FAM3B: variants seen among roughly 807,000 people sequenced by gnomAD.
FAM3B encodes FAM3 metabolism regulating signaling molecule B.
A neutral mutation model predicts 28.4 loss-of-function variants in FAM3B; 29 were observed. The observed-to-expected ratio is 1.02, with a 90% CI of 0.76 to 1.39. FAM3B has a LOEUF of 1.39. Among genes scored for constraint, FAM3B ranks in the 40% most tolerant of loss-of-function variants. The pLI is 0.00. For synonymous variants in FAM3B, 91 were observed against 103.0 expected (o/e 0.88, Z 0.71); for missense variants, 266 against 293.9 (o/e 0.91, Z 0.69).
At chr21:41,333,543 C>T (rs1485628180) in intron 2 of FAM3B, among the ~76,000 whole-genome samples, 1 of 152,220 alleles carries the variant, frequency 6.6e-6, no homozygotes, top group East Asian at 1.9e-4. Flanking sequence ...TTTCCTGGGG[C>T]CTCCCCAGAA....
At chr21:41,319,845 G>A (rs2123692902) in intron 1 of FAM3B, 1 of 152,298 alleles carries the variant, frequency 6.6e-6, no homozygotes, top group East Asian at 1.9e-4. Context: ...TTTACATGTT[G>A]TAGTCCTAAC....
intron 7 of FAM3B, among the ~76,000 whole-genome samples, chr21:41,350,683 T>C (rs1232522725): frequency 2.0e-5 from 3 of 152,236 alleles, no homozygotes; most frequent in African/African-American, 7.2e-5. Context: ...GGGCCTGGCC[T>C]GGAGATTCTG....
chr21:41,338,080 C>G (rs1035373624), intron 2 of FAM3B, among the ~76,000 whole-genome samples: 1 of 152,046 alleles, frequency 6.6e-6, no homozygotes, highest in Non-Finnish European at 1.5e-5. Flanking sequence ...CATTGCCCAC[C>G]AAGAATGTCA....
intron 2 of FAM3B, among the ~76,000 whole-genome samples, chr21:41,329,308 T>C (rs2088883695): frequency 1.3e-5 from 2 of 152,210 alleles, no homozygotes; most frequent in Non-Finnish European, 2.9e-5. Context: ...TTTTGATTAG[T>C]GTGATGTAAT....
chr21:41,353,415 C>T (rs1046421089), intron 7 of FAM3B, among the ~76,000 whole-genome samples: 2 of 152,172 alleles, frequency 1.3e-5, no homozygotes, highest in African/African-American at 4.8e-5. Flanking sequence ...TAACACAAAG[C>T]TGCTGTGATT....
In FAM3B at chr21:41,344,481, T is replaced by A. The variant is rs369029304; in HGVS notation, c.293T>A (p.Met98Lys). The A allele has an allele frequency of 1.2e-6, 2 of 1,614,046 alleles. No individual in the cohort carries two copies. Residue 98 changes from methionine (M) to lysine (K), a missense_variant, in exon 4 of 8, where the codon ATG becomes AAG. Transcript: ENST00000357985. ...AKICFEDNLL[M>K]GEQLGNVARG... ...AATGCTTAGCTCCATTTCAGACTTATGGGAGAACAGCTGGGAAATGTTGCC... is the reference window on the plus strand; with the variant it reads ...AATGCTTAGCTCCATTTCAGACTTAAGGGAGAACAGCTGGGAAATGTTGCC...
At chr21:41,356,985 A>C (rs368029023) in intron 7 of FAM3B, 123 bp from the exon 8 acceptor site, 24 of 453,136 alleles carry the variant, frequency 5.3e-5, no homozygotes, top group East Asian at 2.6e-4. Flanking sequence ...GAAATCAAAC[A>C]CCCAGCTTTG....
chr21:41,349,694 G>A (rs67184452), intron 7 of FAM3B, among the ~76,000 whole-genome samples: 8,655 of 152,054 alleles, frequency 0.057, 343 homozygotes, highest in Middle Eastern at 0.14. Flanking sequence ...GAAGGGGGCT[G>A]GATAAGGTGC....
intron 7 of FAM3B, among the ~76,000 whole-genome samples, chr21:41,349,418 G>A (rs1181443403): frequency 6.6e-6 from 1 of 152,176 alleles, no homozygotes; most frequent in Non-Finnish European, 1.5e-5. Flanking sequence ...GTGCAGAAGA[G>A]GAGGAAATTG....
intron 1 of FAM3B, among the ~76,000 whole-genome samples, chr21:41,310,316 G>C (rs954275256): frequency 1.3e-5 from 2 of 152,078 alleles, no homozygotes; most frequent in East Asian, 3.9e-4. Flanking sequence ...ACAGGAGCCT[G>C]TGGGGTCACT....
chr21:41,357,290 T>C lies in FAM3B; in HGVS notation c.*93T>C. On this transcript the variant is annotated 3_prime_UTR_variant, in exon 8 of 8. Coordinates refer to ENST00000357985, the MANE Select transcript of FAM3B (RefSeq NM_058186.4). ...TTTTTCTAAATCCAACAGCCCATAT[T>C]TGATGAGTATTTTGGGTTTGTTGTA... 1.3e-6 allele frequency: 1 copy of C among 774,190 alleles called. No individual in the cohort carries two copies. 48.0% of individuals were successfully genotyped at this position (774,190 alleles called of 1,614,324 possible). A position where few individuals can be genotyped will look rare whatever the true frequency, so the allele number is the denominator to read the frequency against.
chr21:41,321,880 C>G (rs1043480525), intron 1 of FAM3B, among the ~76,000 whole-genome samples: 1 of 152,176 alleles, frequency 6.6e-6, no homozygotes, highest in African/African-American at 2.4e-5. Context: ...GCCCTTCAGA[C>G]TTGACATTCC....
rs573089199 is a variant in FAM3B, at chr21:41,338,632, A to G, written c.287+131A>G. On this transcript the variant is annotated intron_variant, in intron 3 of 7. Transcript: ENST00000357985. ...CGTTGGTCTCAGGCAAAAGGCTGAG[A>G]GCATCCAAGTGGAAATGAGAAAGCT... is the stretch of plus-strand genomic sequence containing the variant. 135 of 1,243,218 alleles carry G rather than the reference A, an allele frequency of 1.1e-4. 1 individual carries two copies. In the Admixed American group the frequency reaches 1.2e-3, roughly 11 times the overall value. 77.0% of individuals were successfully genotyped at this position (1,243,218 alleles called of 1,614,324 possible).
chr21:41,317,139 T>C (rs1264744513), intron 1 of FAM3B, among the ~76,000 whole-genome samples: 2 of 152,158 alleles, frequency 1.3e-5, no homozygotes, highest in African/African-American at 4.8e-5. Context: ...TCGCCAGGCC[T>C]GTTCCCGCCG....
chr21:41,325,497 G>T (rs991991025), intron 2 of FAM3B, among the ~76,000 whole-genome samples: 9 of 152,174 alleles, frequency 5.9e-5, no homozygotes, highest in African/African-American at 1.4e-4. Context: ...GAGTTAAAAT[G>T]AGATCATAGT....
At chr21:41,353,992 T>G (rs2089143238) in intron 7 of FAM3B, among the ~76,000 whole-genome samples, 1 of 152,094 alleles carries the variant, frequency 6.6e-6, no homozygotes, top group Non-Finnish European at 1.5e-5. Context: ...GAACAGACAT[T>G]TATCAAAAGA....
intron 7 of FAM3B, among the ~76,000 whole-genome samples, chr21:41,351,110 A>G (rs564331365): frequency 6.6e-6 from 1 of 152,364 alleles, no homozygotes; most frequent in South Asian, 2.1e-4. Context: ...TTTTAACTCA[A>G]ATGTTAACAT....
At chr21:41,355,333 G>A (rs2089155839) in intron 7 of FAM3B, among the ~76,000 whole-genome samples, 1 of 152,184 alleles carries the variant, frequency 6.6e-6, no homozygotes, top group South Asian at 2.1e-4. Flanking sequence ...ATATACCCAA[G>A]AGAATGAAAA....
At chr21:41,355,352 C>T (rs968629705) in intron 7 of FAM3B, among the ~76,000 whole-genome samples, 6 of 152,102 alleles carry the variant, frequency 3.9e-5, no homozygotes, top group Non-Finnish European at 8.8e-5. Flanking sequence ...AACATAGGTC[C>T]ACACAAAAAC....
Sources: gnomAD v4.1 joint callset for allele counts (sites outside exome capture counted in the v4.1 genomes callset) on GRCh38, gnomAD v4.1.1 for gene constraint, MANE v1.5 for transcripts, NCBI Gene and HGNC (gene_info 2026-07-23, HGNC 2026-07-21) for gene names.